PCDHGA7: variants seen among roughly 807,000 people sequenced by gnomAD.
PCDHGA7 encodes the protein protocadherin gamma-A7.
PCDHGA7 carries 44 observed loss-of-function variants against 58.3 expected under a neutral mutation model. That is an observed-to-expected ratio of 0.75 (90% confidence interval 0.59 to 0.97). PCDHGA7 has a LOEUF of 0.97. PCDHGA7 is among the 50% of genes least tolerant of loss of function. The pLI is 0.00. For synonymous variants in PCDHGA7, 516 were observed against 504.2 expected (o/e 1.02, Z -0.31); for missense variants, 1,266 against 1,188.7 (o/e 1.06, Z -0.96).
chr5:141,485,106 T>C lies in PCDHGA7; in HGVS notation c.2425-9701T>C, dbSNP rs2099607051. The C allele has an allele frequency of 3.3e-6, 4 of 1,206,448 alleles. No homozygotes were observed. Among genetic ancestry groups the C allele is most frequent in the Non-Finnish European group, 4.8e-6 (4 of 828,284 alleles). 74.7% of individuals were successfully genotyped at this position (1,206,448 alleles called of 1,614,324 possible). ...GGGAGATAGGTGTCTCCAGCTGCTGTGGCTGTTTGGGGCGGGTCGGCTTCA... is the reference window on the plus strand; with the variant it reads ...GGGAGATAGGTGTCTCCAGCTGCTGCGGCTGTTTGGGGCGGGTCGGCTTCA... On this transcript the variant is annotated intron_variant, in intron 1 of 3. Coordinates refer to ENST00000518325, the MANE Select transcript of PCDHGA7 (RefSeq NM_018920.4). This position sits in a 1 kb window ranked among gnomAD's most constrained non-coding sequence, Gnocchi z 5.7.
At chr5:141,413,748 T>G (rs1264580781) in intron 1 of PCDHGA7, 1 of 1,613,288 alleles carries the variant, frequency 6.2e-7, no homozygotes, top group Admixed American at 1.7e-5. Flanking sequence ...GCCGTGCCAA[T>G]GGCGTCAAGT....
chr5:141,415,007 G>C, intron 1 of PCDHGA7: 1 of 1,613,654 alleles, frequency 6.2e-7, no homozygotes, highest in Non-Finnish European at 8.5e-7. Context: ...CTGTCCTACC[G>C]TCTGCTCAAG....
At chr5:141,501,602 A>T (rs766918685) in intron 2 of PCDHGA7, among the ~76,000 whole-genome samples, 1 of 152,026 alleles carries the variant, frequency 6.6e-6, no homozygotes. Flanking sequence ...TACCAGTTCC[A>T]GCTGTGTGAC....
chr5:141,412,952 T>C, intron 1 of PCDHGA7: 1 of 482,218 alleles, frequency 2.1e-6, no homozygotes, highest in Non-Finnish European at 3.6e-6. Context: ...AGCGCCGCTG[T>C]TCACCTACTA....
chr5:141,408,277 C>T (rs367948897), intron 1 of PCDHGA7: 2 of 1,611,980 alleles, frequency 1.2e-6, no homozygotes, highest in African/African-American at 1.3e-5. Context: ...TGCCTTTGTT[C>T]TACCCCACCC....
At chr5:141,494,724 T>C in intron 1 of PCDHGA7, 83 bp from the exon 2 acceptor site, 1 of 1,606,108 alleles carries the variant, frequency 6.2e-7, no homozygotes, top group South Asian at 1.1e-5. Flanking sequence ...CCCCTCCTTC[T>C]CTCCCGGCCC....
chr5:141,491,646 G>T lies in PCDHGA7; in HGVS notation c.2425-3161G>T. On this transcript the variant is annotated intron_variant, in intron 1 of 3. Transcript: ENST00000518325. The surrounding 1 kb of genome is among the most constrained non-coding windows in gnomAD (Gnocchi z 6.9). ...GCGTTCAGCAGCCCACAGCTCTGGC[G>T]CTGGAGCCTGACGCCATCCGGTCCC... is the stretch of plus-strand genomic sequence containing the variant. 1 of 1,613,872 alleles carries T rather than the reference G, an allele frequency of 6.2e-7. No individual in the cohort carries two copies. The highest frequency in any genetic ancestry group is 8.5e-7 in the Non-Finnish European group (1 of 1,180,030).
chr5:141,405,345 A>C (rs758657243), intron 1 of PCDHGA7: 2 of 1,613,944 alleles, frequency 1.2e-6, no homozygotes, highest in Middle Eastern at 1.6e-4. Context: ...GTTGATTCCA[A>C]GTTTCCTATA....
intron 1 of PCDHGA7, chr5:141,408,114 C>T (rs1191565539): frequency 5.5e-6 from 8 of 1,460,968 alleles, no homozygotes; most frequent in South Asian, 1.4e-5. Context: ...CGGGACTCCT[C>T]CTGTCCTGGG....
Position 141,493,788 on chromosome 5 carries a change from C to A in PCDHGA7, c.2425-1019C>A, listed in dbSNP as rs2099750132. On this transcript the variant is annotated intron_variant, in intron 1 of 3. Transcript: ENST00000518325. This position sits in a 1 kb window ranked among gnomAD's most constrained non-coding sequence, Gnocchi z 4.3. ...ACTGGCAGTTCCGGAGCTTCCTTCT[C>A]CCTGGAGTAATCTGAGATACTCACA... 6.6e-6 allele frequency among the ~76,000 whole-genome samples: 1 copy of A among 152,162 alleles called. No homozygotes were observed. The highest frequency in any genetic ancestry group is 1.5e-5 in the Non-Finnish European group (1 of 68,026).
In PCDHGA7 at chr5:141,511,149, G is replaced by T; in HGVS notation, c.2775G>T (p.Lys925Asn). The change falls in exon 4 of 4, where the codon AAG becomes AAT. Residue 925 changes from lysine to asparagine, a missense_variant. By Grantham distance (94) the Lys-to-Asn change is moderately conservative. Transcript: ENST00000518325. ...APAGGNGNKKKSGKKEKK is the reference protein window; with the variant it reads ...APAGGNGNKKNSGKKEKK The stretch of plus-strand genomic sequence containing the variant: ...CAGGTGGCAATGGCAACAAGAAGAA[G>T]TCGGGCAAGAAGGAGAAGAAGTAAC... 1 of 1,614,176 alleles carries T rather than the reference G, an allele frequency of 6.2e-7. No homozygotes were observed. The highest frequency in any genetic ancestry group is 8.5e-7 in the Non-Finnish European group (1 of 1,179,998).
At chr5:141,427,599 C>T (rs1233253295) in intron 1 of PCDHGA7, 3 of 682,980 alleles carry the variant, frequency 4.4e-6, no homozygotes, top group South Asian at 3.0e-5. Flanking sequence ...CCTCACCCTA[C>T]GCATTGGTGA....
chr5:141,443,223 A>G (rs2098374731), intron 1 of PCDHGA7, among the ~76,000 whole-genome samples: 1 of 152,044 alleles, frequency 6.6e-6, no homozygotes, highest in African/African-American at 2.4e-5. Flanking sequence ...AGGCGCATCT[A>G]TAATCTTAGC....
rs1284287216 is a variant in PCDHGA7 at position 141,398,423 on chromosome 5, A to C, written c.2424+13100A>C. On this transcript the variant is annotated intron_variant, in intron 1 of 3. Transcript: ENST00000518325. ...GACAGGGAGGAGATATGCGGGAAGA[A>C]GCCAGCTTGTGCTCTGGAATTTGAG... 2.0e-6 allele frequency: 3 copies of C among 1,514,696 alleles called. No individual in the cohort carries two copies. In the South Asian group the frequency reaches 3.4e-5, roughly 17 times the overall value. The allele number at this position is 1,514,696 out of a possible 1,614,324, so 93.8% of individuals were successfully genotyped here.
At chr5:141,446,202 G>T (rs780900822) in intron 1 of PCDHGA7, among the ~76,000 whole-genome samples, 13 of 152,094 alleles carry the variant, frequency 8.5e-5, no homozygotes, top group Non-Finnish European at 1.8e-4. Context: ...ATATTCCTAG[G>T]TGTCTGAAAA....
At position 141,431,031 on chromosome 5, in the gene PCDHGA7, A is replaced by C; in HGVS notation, c.2424+45708A>C. Reference sequence around the variant, plus strand: ...AGCTTGGTCACGGCGGGCAGGATAGACCGGGAGGAGCTCTGTATGGGGGCC... The same window carrying C: ...AGCTTGGTCACGGCGGGCAGGATAGCCCGGGAGGAGCTCTGTATGGGGGCC... On this transcript the variant is annotated intron_variant, in intron 1 of 3. Coordinates refer to ENST00000518325, the MANE Select transcript of PCDHGA7 (RefSeq NM_018920.4). This position sits in a 1 kb window ranked among gnomAD's most constrained non-coding sequence, Gnocchi z 4.8. 1 of 1,614,036 alleles carries C rather than the reference A, an allele frequency of 6.2e-7. No homozygotes were observed. The highest frequency in any genetic ancestry group is 8.5e-7 in the Non-Finnish European group (1 of 1,180,000).
intron 1 of PCDHGA7, among the ~76,000 whole-genome samples, chr5:141,448,617 T>C (rs1318664360): frequency 2.0e-5 from 3 of 152,150 alleles, no homozygotes; most frequent in Non-Finnish European, 2.9e-5. Flanking sequence ...ACTTTATATC[T>C]TCCTTTCTTC....
intron 1 of PCDHGA7, among the ~76,000 whole-genome samples, chr5:141,479,998 G>A (rs2099511091): frequency 6.6e-6 from 1 of 152,272 alleles, no homozygotes; most frequent in South Asian, 2.1e-4. Flanking sequence ...AGGAGTCTGT[G>A]GCCAAGTTAC....
chr5:141,511,581 T>C lies in PCDHGA7; in HGVS notation c.*408T>C, dbSNP rs2099883862. ...TCTTTCCCGAGTAAGGTGGTTGGGG[T>C]GTTGAAGTACCAAGTAACCTACAAG... On this transcript the variant is annotated 3_prime_UTR_variant, in exon 4 of 4. Transcript: ENST00000518325. 1 of 281,638 alleles carries C rather than the reference T, an allele frequency of 3.6e-6. No homozygotes were observed. The highest frequency in any genetic ancestry group is 2.2e-5 in the African/African-American group (1 of 46,302). 17.4% of individuals were successfully genotyped at this position (281,638 alleles called of 1,614,324 possible). A position where few individuals can be genotyped will look rare whatever the true frequency, so the allele number is the denominator to read the frequency against.
Sources: gnomAD v4.1 joint callset for allele counts (sites outside exome capture counted in the v4.1 genomes callset) on GRCh38, gnomAD v4.1.1 for gene constraint, Gnocchi (gnomAD v3.1) non-coding constraint, MANE v1.5 for transcripts, NCBI Gene and HGNC (gene_info 2026-07-23, HGNC 2026-07-21) for gene names.